PLEKHA7: variants seen among roughly 807,000 people sequenced by gnomAD.
PLEKHA7 encodes the protein pleckstrin homology domain-containing family A member 7.
In PLEKHA7, 104 loss-of-function variants were observed where a neutral mutation model predicts 170.0. The observed-to-expected ratio is 0.61, with a 90% CI of 0.52 to 0.72. PLEKHA7 has a LOEUF of 0.72. Ranked by LOEUF, PLEKHA7 falls within the 30% of genes least tolerant of loss-of-function variation. The pLI is 0.00. For synonymous variants in PLEKHA7, 648 were observed against 660.8 expected (o/e 0.98, Z 0.30); for missense variants, 1,615 against 1,671.7 (o/e 0.97, Z 0.59).
chr11:17,005,842 A>G (rs1864957610), intron 3 of PLEKHA7, among the ~76,000 whole-genome samples: 1 of 152,210 alleles, frequency 6.6e-6, no homozygotes, highest in Non-Finnish European at 1.5e-5. Flanking sequence ...TAAATCCATG[A>G]ACCAGTTTTT....
chr11:16,802,057 T>A (rs11608082), intron 15 of PLEKHA7, among the ~76,000 whole-genome samples: 1 of 152,066 alleles, frequency 6.6e-6, no homozygotes, highest in African/African-American at 2.4e-5. Context: ...GATACAGCTG[T>A]CTAACTCCTT....
chr11:16,848,465 G>C (rs1442580734), intron 8 of PLEKHA7, among the ~76,000 whole-genome samples: 1 of 152,212 alleles, frequency 6.6e-6, no homozygotes, highest in Non-Finnish European at 1.5e-5. Flanking sequence ...AGAATGTTAA[G>C]CATGCAAAAT....
chr11:16,794,778 G>A, intron 18 of PLEKHA7, 64 bp from the exon 19 acceptor site: 1 of 1,565,212 alleles, frequency 6.4e-7, no homozygotes, highest in Non-Finnish European at 8.8e-7. Flanking sequence ...TGGAGGATGA[G>A]TGGAGTAATT....
intron 3 of PLEKHA7, among the ~76,000 whole-genome samples, chr11:16,926,357 A>G (rs1266912645): frequency 2.0e-5 from 3 of 152,194 alleles, no homozygotes; most frequent in Admixed American, 6.5e-5. Flanking sequence ...GCAGGCAATC[A>G]GAACTACAGC....
chr11:16,994,158 T>C (rs1864205659), intron 3 of PLEKHA7, among the ~76,000 whole-genome samples: 2 of 152,220 alleles, frequency 1.3e-5, no homozygotes, highest in African/African-American at 4.8e-5. Context: ...AGTCTTTCTC[T>C]GTCAGTAGGG....
intron 3 of PLEKHA7, among the ~76,000 whole-genome samples, chr11:16,887,050 G>A (rs925705607): frequency 1.3e-5 from 2 of 151,974 alleles, no homozygotes; most frequent in Non-Finnish European, 2.9e-5. Flanking sequence ...GCCAAGTTGA[G>A]AAAATTGAAA....
rs542292971 is a variant in PLEKHA7 at position 16,789,217 on chromosome 11, C to T, written c.3236G>A (p.Arg1079His). The T allele has an allele frequency of 5.3e-5, 86 of 1,613,616 alleles. 1 individual carries two copies. The South Asian group carries it at 7.4e-4, about 14-fold the overall frequency. ...GKMSAEEQLE[R>H]MKRHQKALVR... ...CAGGGCCTTCTGGTGTCGCTTCATG[C>T]GCTCCAGCTGCTCCTCTGCACTCAT... Residue 1079 changes from arginine (R) to histidine (H), a missense_variant, in exon 23 of 27, where the codon CGC (arginine) becomes CAC (histidine). By Grantham distance (29) the Arg-to-His change is conservative (BLOSUM62 0). Coordinates refer to ENST00000531066, the MANE Select transcript of PLEKHA7 (RefSeq NM_001329630.2). The surrounding 1 kb of genome is among the most constrained non-coding windows in gnomAD (Gnocchi z 4.6).
rs1849637796 is a variant in PLEKHA7, at chr11:16,789,403, GCA to G, written c.3157-109_3157-108del. 9.5e-7 allele frequency: 1 copy of G among 1,056,604 alleles called. No individual in the cohort carries two copies. Among genetic ancestry groups the G allele is most frequent in the Admixed American group, 1.8e-5 (1 of 54,810 alleles). The allele number at this position is 1,056,604 out of a possible 1,614,324, so 65.5% of individuals were successfully genotyped here. On this transcript the variant is annotated intron_variant, in intron 22 of 26. Coordinates refer to ENST00000531066, the MANE Select transcript of PLEKHA7 (RefSeq NM_001329630.2). This position sits in a 1 kb window ranked among gnomAD's most constrained non-coding sequence, Gnocchi z 4.6. ...CCCGTTGTCTCTCTCTCACACACAT[GCA>G]CACTCTAGTTGGGCTCCTCTTGGCC...
rs180967604 is a variant in PLEKHA7, at chr11:16,995,342, C to T, written c.221+18647G>A. Among the ~76,000 whole-genome samples, 51 of 152,326 alleles carry T rather than the reference C, an allele frequency of 3.3e-4. 1 individual carries two copies. Among genetic ancestry groups the T allele is most frequent in the Admixed American group, 7.8e-4 (12 of 15,306 alleles). ...TGTGCCCAGGCCAGTGCTTGGCACACATCCAGTGCTCAGTGAATGTCTGCT... is the reference window on the plus strand; with the variant it reads ...TGTGCCCAGGCCAGTGCTTGGCACATATCCAGTGCTCAGTGAATGTCTGCT... On this transcript the variant is annotated intron_variant, in intron 3 of 26. Coordinates refer to ENST00000531066, the MANE Select transcript of PLEKHA7 (RefSeq NM_001329630.2).
At chr11:16,892,803 T>C (rs1856753282) in intron 3 of PLEKHA7, among the ~76,000 whole-genome samples, 1 of 152,192 alleles carries the variant, frequency 6.6e-6, no homozygotes, top group Non-Finnish European at 1.5e-5. Flanking sequence ...ACAATATCTA[T>C]GTTGAACTTT....
At chr11:17,003,628 G>C (rs1013460592) in intron 3 of PLEKHA7, among the ~76,000 whole-genome samples, 1 of 152,212 alleles carries the variant, frequency 6.6e-6, no homozygotes, top group Non-Finnish European at 1.5e-5. Context: ...AACCTGCCAA[G>C]GTCAGGGAGC....
chr11:16,860,322 G>A (rs111847222), intron 4 of PLEKHA7, among the ~76,000 whole-genome samples: 1,850 of 152,288 alleles, frequency 0.012, 17 homozygotes, highest in Non-Finnish European at 0.016. Flanking sequence ...AGATACAGAA[G>A]CTATTTTTTT....
intron 3 of PLEKHA7, among the ~76,000 whole-genome samples, chr11:16,950,500 C>CT (rs35252481): frequency 0.48 from 69,913 of 145,292 alleles, 17,078 homozygotes; most frequent in East Asian, 0.72. Flanking sequence ...AGAGATAAGA[C>CT]TTTTTTTTTT....
chr11:16,813,979 C>G (rs1416675032), intron 12 of PLEKHA7, among the ~76,000 whole-genome samples: 37 of 152,232 alleles, frequency 2.4e-4, no homozygotes. Context: ...AATCCAGGCA[C>G]CATCTTCTCA....
intron 12 of PLEKHA7, among the ~76,000 whole-genome samples, chr11:16,814,768 T>C (rs1416996619): frequency 1.3e-5 from 2 of 152,214 alleles, no homozygotes; most frequent in Non-Finnish European, 2.9e-5. Flanking sequence ...AGACACTCTG[T>C]GAGGCAGCAG....
chr11:16,912,384 A>T (rs533666703), intron 3 of PLEKHA7, among the ~76,000 whole-genome samples: 2 of 152,314 alleles, frequency 1.3e-5, no homozygotes, highest in African/African-American at 4.8e-5. Flanking sequence ...TTCAGCACCA[A>T]AGAGAATTTG....
chr11:16,880,778 T>C (rs1855648006), intron 3 of PLEKHA7, among the ~76,000 whole-genome samples: 1 of 152,240 alleles, frequency 6.6e-6, no homozygotes, highest in African/African-American at 2.4e-5. Context: ...TGAAACATTT[T>C]TAATCTTAGA....
intron 17 of PLEKHA7, among the ~76,000 whole-genome samples, chr11:16,800,101 C>G (rs1848491107): frequency 6.6e-6 from 1 of 152,200 alleles, no homozygotes. Flanking sequence ...AGTGGCCCAG[C>G]AAGGTGCCTC....
chr11:16,790,423 G>A, intron 21 of PLEKHA7: 1 of 216,264 alleles, frequency 4.6e-6, no homozygotes, highest in East Asian at 1.3e-4. Flanking sequence ...TTCCACCAAT[G>A]ACCAGCTAAT....
Sources: allele counts gnomAD v4.1 joint callset (sites outside exome capture counted in the v4.1 genomes callset), GRCh38; gene constraint gnomAD v4.1.1; non-coding constraint Gnocchi (gnomAD v3.1); transcripts MANE v1.5; gene names NCBI Gene and HGNC (gene_info 2026-07-23, HGNC 2026-07-21).